Variants in TMEM177 observed in about 807,000 individuals in gnomAD.
The protein encoded by TMEM177 is transmembrane protein 177.
A neutral mutation model predicts 14.2 loss-of-function variants in TMEM177; 4 were observed. The ratio of observed to expected loss-of-function variants is 0.28; its 90% CI spans 0.14 to 0.64. The LOEUF (loss-of-function observed/expected upper bound fraction) is 0.64. Among genes scored for constraint, TMEM177 ranks in the 30% least tolerant of loss-of-function variants. TMEM177 has a pLI of 0.82. For synonymous variants in TMEM177, 179 were observed against 174.5 expected (o/e 1.03, Z -0.20); for missense variants, 344 against 405.2 (o/e 0.85, Z 1.30).
chr2:119,708,778 C>T, the TMEM177 span, among the ~76,000 whole-genome samples: 41 of 152,280 alleles, frequency 2.7e-4, no homozygotes, highest in African/African-American at 9.9e-4. Flanking sequence ...GCCCTTCTCT[C>T]ACAGGGCACA....
the TMEM177 span, among the ~76,000 whole-genome samples, chr2:119,698,189 TG>T: frequency 6.6e-6 from 1 of 152,174 alleles, no homozygotes; most frequent in African/African-American, 2.4e-5. Context: ...TGCCTGGGTG[TG>T]GTAGCAACTT....
chr2:119,712,130 G>A, the TMEM177 span, among the ~76,000 whole-genome samples: 2 of 151,814 alleles, frequency 1.3e-5, no homozygotes, highest in East Asian at 1.9e-4. Context: ...CCCTTGATGC[G>A]GCTTCCTAGA....
At position 119,681,211 on chromosome 2, in the gene TMEM177, C is replaced by T. The variant is rs1241726542; in HGVS notation, c.358C>T (p.His120Tyr). 1 of 1,614,252 alleles carries T rather than the reference C, an allele frequency of 6.2e-7. No individual in the cohort carries two copies. The highest frequency in any genetic ancestry group is 8.5e-7 in the Non-Finnish European group (1 of 1,180,038). ...GGGAGACCTAGTGATCAACACTAAC[C>T]ATCCCGTGGTCATACATGGGCATAC... ...FLGDLVINTN[H>Y]PVVIHGHTVD... Residue 120 changes from histidine (H) to tyrosine (Y), a missense_variant, in exon 2 of 2, where the codon CAT (histidine) becomes TAT (tyrosine). Transcript: ENST00000272521.
the TMEM177 span, among the ~76,000 whole-genome samples, chr2:119,718,694 T>C: frequency 6.6e-6 from 1 of 152,032 alleles, no homozygotes; most frequent in African/African-American, 2.4e-5. Flanking sequence ...AACAAATTGT[T>C]GAAAGGAGAG....
At chr2:119,720,527 C>A in the TMEM177 span, among the ~76,000 whole-genome samples, 1 of 152,192 alleles carries the variant, frequency 6.6e-6, no homozygotes, top group Non-Finnish European at 1.5e-5. Flanking sequence ...ACCTCGGCCT[C>A]CCAAAGTGCT....
chr2:119,681,267 G>A lies in TMEM177; in HGVS notation c.414G>A (p.Arg138=). The change falls in exon 2 of 2, where the codon CGG becomes CGA. Residue 138 remains arginine (R), a synonymous_variant. Coordinates refer to ENST00000272521, the MANE Select transcript of TMEM177 (RefSeq NM_030577.3). Reference sequence around the variant, plus strand: ...ACTGGCGGAGCCCAGCAGGCGCCCGGCTGAGAGCTTCCCTGACCTTGTCCC... The same window carrying A: ...ACTGGCGGAGCCCAGCAGGCGCCCGACTGAGAGCTTCCCTGACCTTGTCCC... The part of the protein sequence containing the change: ...TVDWRSPAGA[R]LRASLTLSRE... 1 of 1,614,256 alleles carries A rather than the reference G, an allele frequency of 6.2e-7. No individual in the cohort carries two copies. The highest frequency in any genetic ancestry group is 8.5e-7 in the Non-Finnish European group (1 of 1,180,046).
chr2:119,681,540 C>G lies in TMEM177; in HGVS notation c.687C>G (p.Ser229=). 1.9e-6 allele frequency: 3 copies of G among 1,614,190 alleles called. No individual in the cohort carries two copies. The highest frequency in any genetic ancestry group is 2.5e-6 in the Non-Finnish European group (3 of 1,180,030). Residue 229 remains serine, a synonymous_variant, in exon 2 of 2, where the codon TCC becomes TCG. Coordinates refer to ENST00000272521, the MANE Select transcript of TMEM177 (RefSeq NM_030577.3). ...SQDSLTHAVE[S]WLDRRTASLS... is the part of the protein sequence containing the mutation. ...ATTCTCTCACTCATGCCGTGGAGTC[C>G]TGGCTGGACCGCCGCACGGCCTCCC...
chr2:119,712,103 C>CGTTG, the TMEM177 span, among the ~76,000 whole-genome samples: 2 of 151,910 alleles, frequency 1.3e-5, no homozygotes, highest in African/African-American at 4.8e-5. Flanking sequence ...TTGTCTGAGG[C>CGTTG]GTTGGCGTTA....
chr2:119,723,514 G>C, the TMEM177 span, among the ~76,000 whole-genome samples: 37 of 152,254 alleles, frequency 2.4e-4, no homozygotes, highest in African/African-American at 7.2e-4. Context: ...TTGTCACTTG[G>C]GTGCCAGGAT....
chr2:119,683,899 CCTT>C (rs1319814280), downstream of TMEM177, among the ~76,000 whole-genome samples: 3 of 152,074 alleles, frequency 2.0e-5, no homozygotes, highest in Non-Finnish European at 2.9e-5. Context: ...GCTCCGTGTC[CCTT>C]CTTCCCCCTC....
At chr2:119,690,415 G>A (rs1006763801), downstream of TMEM177, among the ~76,000 whole-genome samples, 9 of 152,148 alleles carry the variant, frequency 5.9e-5, no homozygotes, top group African/African-American at 2.2e-4. Context: ...AATTTACCCA[G>A]TCTCAGGTAG....
chr2:119,693,898 C>CAT, the TMEM177 span, among the ~76,000 whole-genome samples: 1 of 780 alleles, frequency 1.3e-3, no homozygotes, highest in Non-Finnish European at 2.8e-3. Flanking sequence ...ACCACATACA[C>CAT]CACACATCAC....
At chr2:119,697,655 C>T in the TMEM177 span, among the ~76,000 whole-genome samples, 2 of 152,170 alleles carry the variant, frequency 1.3e-5, no homozygotes, top group African/African-American at 4.8e-5. Context: ...GAAAACTACT[C>T]GATTCCTCAC....
chr2:119,694,739 G>A, the TMEM177 span, among the ~76,000 whole-genome samples: 1 of 152,202 alleles, frequency 6.6e-6, no homozygotes, highest in Non-Finnish European at 1.5e-5. Context: ...CAGACCTTGG[G>A]CCCCCGGTGA....
chr2:119,681,004 CAG>C lies in TMEM177; in HGVS notation c.152_153del (p.Gln51ArgfsTer68), dbSNP rs1343961281. On this transcript the variant is annotated frameshift_variant, in exon 2 of 2. Transcript: ENST00000272521. LOFTEE classifies it high-confidence loss of function. ...CCAATGGCTCTACCAGTACTGGCCT[CAG>C]GGCCAGCCAGCTCCGCTCCCTCCAC... ...VVQWLYQYWPQGQPAPLPPQL... is the reference protein window; with the variant it reads ...VVQWLYQYWPXGQPAPLPPQL... 2 of 1,614,244 alleles carry C rather than the reference CAG, an allele frequency of 1.2e-6. No individual in the cohort carries two copies. Among genetic ancestry groups the C allele is most frequent in the Non-Finnish European group, 1.7e-6 (2 of 1,180,046 alleles).
chr2:119,708,241 C>G, the TMEM177 span, among the ~76,000 whole-genome samples: 1 of 152,170 alleles, frequency 6.6e-6, no homozygotes, highest in Non-Finnish European at 1.5e-5. Flanking sequence ...AAGAAATACC[C>G]AAACACCCAT....
rs1229358618 is a variant in TMEM177 at position 119,681,807 on chromosome 2, C to G, written c.*18C>G. ...GCTCCTGATGGGCTCATCACAAGGA[C>G]ACTTCCAGCTTGTGCAGACACCACC... On this transcript the variant is annotated 3_prime_UTR_variant, in exon 2 of 2. Transcript: ENST00000272521. The G allele has an allele frequency of 3.7e-6, 6 of 1,601,498 alleles. No homozygotes were observed. In the Admixed American group the frequency reaches 1.0e-4, roughly 27 times the overall value.
At chr2:119,680,168 A>G (rs1002726394) in intron 1 of TMEM177, among the ~76,000 whole-genome samples, 2 of 152,154 alleles carry the variant, frequency 1.3e-5, no homozygotes, top group African/African-American at 4.8e-5. Flanking sequence ...TTATCTCCTT[A>G]AAGACCCTGT....
the TMEM177 span, among the ~76,000 whole-genome samples, chr2:119,719,678 T>A: frequency 6.6e-6 from 1 of 152,110 alleles, no homozygotes; most frequent in African/African-American, 2.4e-5. Context: ...AGGTCTCCAG[T>A]CAACATCTGA....
Sources: gnomAD v4.1 joint callset for allele counts (sites outside exome capture counted in the v4.1 genomes callset) on GRCh38, gnomAD v4.1.1 for gene constraint, MANE v1.5 for transcripts, NCBI Gene and HGNC (gene_info 2026-07-23, HGNC 2026-07-21) for gene names.